The following ATP6V1B1 variants were observed in gnomAD, a reference collection of about 807,000 sequenced individuals.
ATP6V1B1 encodes the protein V-type proton ATPase subunit B, kidney isoform.
In ATP6V1B1, 41 loss-of-function variants were observed where a neutral mutation model predicts 62.1. That is an observed-to-expected ratio of 0.66 (90% CI 0.51 to 0.86). The LOEUF is 0.86. Among genes scored for constraint, ATP6V1B1 ranks in the 40% least tolerant of loss-of-function variants. The pLI, the probability that ATP6V1B1 is intolerant of heterozygous loss-of-function variation, is 0.00. For missense variants in ATP6V1B1, 651 were observed against 697.5 expected, an observed-to-expected ratio of 0.93 and a Z score of 0.75; for synonymous variants, 253 against 273.4, an observed-to-expected ratio of 0.93 and a Z score of 0.74.
chr2:70,954,822 T>C (rs1459826816), intron 2 of ATP6V1B1, among the ~76,000 whole-genome samples: 4 of 150,888 alleles, frequency 2.7e-5, no homozygotes, highest in Non-Finnish European at 5.9e-5. Flanking sequence ...GCTTACTCCC[T>C]GGTAAATCAG....
chr2:70,958,617 G>C (rs1370776910), intron 4 of ATP6V1B1, among the ~76,000 whole-genome samples, 191 bp downstream of exon 4: 1 of 152,200 alleles, frequency 6.6e-6, no homozygotes, highest in Non-Finnish European at 1.5e-5. Context: ...TGACATACAG[G>C]TGTTCAATAA....
At position 70,964,946 on chromosome 2, in the gene ATP6V1B1, C is replaced by G; in HGVS notation, c.1379-12C>G. On this transcript the variant is annotated splice_polypyrimidine_tract_variant and intron_variant, in intron 13 of 13. Transcript: ENST00000234396. ...CACACATTCCTAACACTCCCTCCCG[C>G]TCTGTCCCTAGGCCCCTACGAGAAC... is the stretch of plus-strand genomic sequence containing the variant. 1.2e-6 allele frequency: 2 copies of G among 1,614,038 alleles called. No homozygotes were observed. Among genetic ancestry groups the G allele is most frequent in the South Asian group, 2.2e-5 (2 of 91,088 alleles).
intron 1 of ATP6V1B1, chr2:70,940,450 G>A: frequency 1.0e-6 from 1 of 985,334 alleles, no homozygotes; most frequent in Non-Finnish European, 1.2e-6. Flanking sequence ...CTCTCCCGGG[G>A]GCTTATAAAA....
chr2:70,960,791 C>T, intron 6 of ATP6V1B1, 130 bp from the exon 7 acceptor site: 1 of 390,912 alleles, frequency 2.6e-6, no homozygotes, highest in South Asian at 1.7e-5. Context: ...GAAAGACTAG[C>T]ACCTGGGGCA....
intron 2 of ATP6V1B1, among the ~76,000 whole-genome samples, chr2:70,953,136 T>C (rs1245970979): frequency 2.6e-5 from 4 of 152,164 alleles, no homozygotes; most frequent in African/African-American, 9.7e-5. Flanking sequence ...CTGGCTAATT[T>C]TGTATTTTTA....
chr2:70,942,841 G>C (rs1680037252), intron 1 of ATP6V1B1, among the ~76,000 whole-genome samples: 1 of 152,226 alleles, frequency 6.6e-6, no homozygotes, highest in Non-Finnish European at 1.5e-5. Flanking sequence ...CTCAGAGAAG[G>C]GCACTGGTCA....
intron 6 of ATP6V1B1, 96 bp from the exon 7 acceptor site, chr2:70,960,825 G>A (rs973393279): frequency 1.9e-5 from 19 of 1,025,846 alleles, no homozygotes; most frequent in Admixed American, 4.3e-5. Context: ...TCTGGGCTTG[G>A]ATCCCTCCCA....
intron 1 of ATP6V1B1, chr2:70,938,684 C>T (rs1427336977): frequency 2.0e-6 from 2 of 985,420 alleles, no homozygotes; most frequent in South Asian, 9.4e-5. Context: ...AAAGAAGGGT[C>T]CCCTGTGCCT....
In ATP6V1B1 at chr2:70,959,012, C is replaced by T. The variant is rs200038589; in HGVS notation, c.368-6C>T. The T allele has an allele frequency of 1.5e-4, 239 of 1,613,984 alleles. No individual in the cohort carries two copies. Among genetic ancestry groups the T allele is most frequent in the Middle Eastern group, 5.0e-4 (3 of 6,060 alleles). On this transcript the variant is annotated splice_region_variant and splice_polypyrimidine_tract_variant and intron_variant, in intron 4 of 13. Coordinates refer to ENST00000234396, the MANE Select transcript of ATP6V1B1 (RefSeq NM_001692.4). The surrounding 1 kb of genome is among the most constrained non-coding windows in gnomAD (Gnocchi z 4.2). ...GCACCCTGCAACACTCCTCGTCCACCCTCAGGTCGGGTTTTCAATGGCTCC... is the reference window on the plus strand; with the variant it reads ...GCACCCTGCAACACTCCTCGTCCACTCTCAGGTCGGGTTTTCAATGGCTCC...
At chr2:70,940,307 C>A (rs1017696465) in intron 1 of ATP6V1B1, 3 of 915,040 alleles carry the variant, frequency 3.3e-6, no homozygotes, top group Non-Finnish European at 3.9e-6. Flanking sequence ...ATTCCCTGGA[C>A]TTTTCTGGTC....
At position 70,963,160 on chromosome 2, in the gene ATP6V1B1, A is replaced by T. The variant is rs2104831681; in HGVS notation, c.910-2A>T. 1 of 1,613,806 alleles carries T rather than the reference A, an allele frequency of 6.2e-7. No homozygotes were observed. Among genetic ancestry groups the T allele is most frequent in the Non-Finnish European group, 8.5e-7 (1 of 1,179,986 alleles). ...TTACCCCAGTGCCCATGGATATTGC[A>T]GGTCTCTGCTGCTAGAGAGGAGGTG... On this transcript the variant is annotated splice_acceptor_variant, in intron 9 of 13. Transcript: ENST00000234396. LOFTEE classifies it high-confidence loss of function. The surrounding 1 kb of genome is among the most constrained non-coding windows in gnomAD (Gnocchi z 4.3).
chr2:70,963,241 A>C lies in ATP6V1B1; in HGVS notation c.989A>C (p.Glu330Ala). The C allele has an allele frequency of 6.2e-7, 1 of 1,613,994 alleles. No homozygotes were observed. Among genetic ancestry groups the C allele is most frequent in the East Asian group, 2.2e-5 (1 of 44,864 alleles). Reference protein sequence around the residue: ...YMYTDLATIYERAGRVEGRGG... With the variant: ...YMYTDLATIYARAGRVEGRGG... Reference sequence around the variant, plus strand: ...TACACAGACCTGGCCACCATCTACGAGCGGGCGGGCCGCGTGGAGGGTCGG... The same window carrying C: ...TACACAGACCTGGCCACCATCTACGCGCGGGCGGGCCGCGTGGAGGGTCGG... Residue 330 changes from glutamate to alanine, a missense_variant, in exon 10 of 14, where the codon GAG becomes GCG. Physicochemically the swap from Glu to Ala is moderately radical, Grantham distance 107. Coordinates refer to ENST00000234396, the MANE Select transcript of ATP6V1B1 (RefSeq NM_001692.4). This position sits in a 1 kb window ranked among gnomAD's most constrained non-coding sequence, Gnocchi z 4.3.
chr2:70,938,737 C>T (rs372227658), intron 1 of ATP6V1B1: 2 of 985,374 alleles, frequency 2.0e-6, no homozygotes, highest in Non-Finnish European at 2.4e-6. Flanking sequence ...TGGCTCCCGG[C>T]TGGGGAGGAG....
intron 2 of ATP6V1B1, among the ~76,000 whole-genome samples, chr2:70,954,647 G>A (rs1404078273): frequency 3.9e-5 from 6 of 151,942 alleles, no homozygotes. Flanking sequence ...GTTTTTGTTT[G>A]GTTTGGTTTT....
intron 3 of ATP6V1B1, 36 bp downstream of exon 3, chr2:70,958,180 C>G (rs1553419402): frequency 6.2e-7 from 1 of 1,605,842 alleles, no homozygotes. Context: ...CTAGTTAAAT[C>G]AATGAATTAA....
At position 70,940,843 on chromosome 2, in the gene ATP6V1B1, G is replaced by GT. The variant is rs1679980024; in HGVS notation, c.119-2813dup. The GT allele has an allele frequency of 4.1e-6, 4 of 983,850 alleles. No homozygotes were observed. In the South Asian group the frequency reaches 1.9e-4, roughly 46 times the overall value. 60.9% of individuals were successfully genotyped at this position (983,850 alleles called of 1,614,324 possible). A position where few individuals can be genotyped will look rare whatever the true frequency, so the allele number is the denominator to read the frequency against. ...GTATGAGAAGGAGCAGATGGGGTCA[G>GT]TTAACACCTTTCATAATCCATCCAC... On this transcript the variant is annotated intron_variant, in intron 1 of 13. Transcript: ENST00000234396.
chr2:70,940,337 C>CACACCCCCCCCAACCAAT, intron 1 of ATP6V1B1: 1 of 808,252 alleles, frequency 1.2e-6, no homozygotes, highest in Non-Finnish European at 1.5e-6. Context: ...CATCCCCTCC[C>CACACCCCCCCCAACCAAT]ACACCCCCAC....
In ATP6V1B1 at chr2:70,964,112, G is replaced by GTTTTTTTTT. The variant is rs1330555546; in HGVS notation, c.1144-325_1144-324insTTTTTTTTT. The GTTTTTTTTT allele has an allele frequency of 8.3e-4, 131 of 158,214 alleles. 1 individual carries two copies. The highest frequency in any genetic ancestry group is 1.8e-3 in the Admixed American group (14 of 7,618). 9.8% of individuals were successfully genotyped at this position (158,214 alleles called of 1,614,324 possible). A position where few individuals can be genotyped will look rare whatever the true frequency, so the allele number is the denominator to read the frequency against. ...TGACGTTTTTCTCTTTGCTTGGCAG[G>GTTTTTTTTT]TATTTTTTTTTTTTTTTTTTTTTTG... On this transcript the variant is annotated intron_variant, in intron 11 of 13. Coordinates refer to ENST00000234396, the MANE Select transcript of ATP6V1B1 (RefSeq NM_001692.4).
intron 2 of ATP6V1B1, among the ~76,000 whole-genome samples, chr2:70,950,753 CTTT>C (rs1359563495): frequency 1.3e-5 from 2 of 152,020 alleles, no homozygotes; most frequent in Non-Finnish European, 2.9e-5. Context: ...AATTATGTCT[CTTT>C]TTCCGTCAGT....
Sources: gnomAD v4.1 joint callset for allele counts (sites outside exome capture counted in the v4.1 genomes callset) on GRCh38, gnomAD v4.1.1 for gene constraint, Gnocchi (gnomAD v3.1) non-coding constraint, MANE v1.5 for transcripts, NCBI Gene and HGNC (gene_info 2026-07-23, HGNC 2026-07-21) for gene names.